Variants in IGFBPL1 observed in about 807,000 individuals in gnomAD.
IGFBPL1 encodes insulin-like growth factor-binding protein-like 1.
IGFBPL1 carries 20 observed loss-of-function variants against 23.9 expected under a neutral mutation model. The observed-to-expected ratio is 0.84, with a 90% CI of 0.59 to 1.22. The LOEUF (loss-of-function observed/expected upper bound fraction) is 1.22, where lower values mean the gene tolerates loss of function less well. Among genes scored for constraint, IGFBPL1 ranks in the 50% most tolerant of loss-of-function variants. The probability of loss-of-function intolerance (pLI) is 0.00; values close to 1 mark genes in which losing one functional copy is unlikely to be tolerated. For synonymous variants in IGFBPL1, 184 were observed against 171.8 expected (o/e 1.07, Z -0.56); for missense variants, 436 against 379.3 (o/e 1.15, Z -1.24).
intron 1 of IGFBPL1, among the ~76,000 whole-genome samples, chr9:38,418,256 G>A (rs1821628168): frequency 6.6e-6 from 1 of 152,196 alleles, no homozygotes; most frequent in Non-Finnish European, 1.5e-5. Flanking sequence ...GTGGCAGGCA[G>A]GGGTGGAAGA....
chr9:38,413,860 G>A (rs1025702136), intron 2 of IGFBPL1, among the ~76,000 whole-genome samples: 2 of 152,280 alleles, frequency 1.3e-5, no homozygotes, highest in African/African-American at 2.4e-5. Flanking sequence ...GGCACAGGAA[G>A]GGTTGCAATG....
At chr9:38,423,151 G>T (rs548296420) in intron 1 of IGFBPL1, among the ~76,000 whole-genome samples, 10 of 152,096 alleles carry the variant, frequency 6.6e-5, no homozygotes, top group Non-Finnish European at 1.0e-4. Flanking sequence ...TAACGTTTTG[G>T]TTTCTTTTTG....
At chr9:38,420,277 T>G (rs967865592) in intron 1 of IGFBPL1, among the ~76,000 whole-genome samples, 1 of 152,164 alleles carries the variant, frequency 6.6e-6, no homozygotes, top group Non-Finnish European at 1.5e-5. Flanking sequence ...ATGGGCCCAC[T>G]TGCACACCCA....
At chr9:38,419,366 C>T (rs909910779) in intron 1 of IGFBPL1, among the ~76,000 whole-genome samples, 1 of 152,190 alleles carries the variant, frequency 6.6e-6, no homozygotes, top group Non-Finnish European at 1.5e-5. Context: ...CTCAGATCTC[C>T]TCCCTCAGCA....
chr9:38,419,609 C>T (rs1190893493), intron 1 of IGFBPL1, among the ~76,000 whole-genome samples: 1 of 152,136 alleles, frequency 6.6e-6, no homozygotes, highest in Non-Finnish European at 1.5e-5. Context: ...TCTAATTTAT[C>T]ATTTGAAACA....
chr9:38,419,626 TAA>T (rs1280898642), intron 1 of IGFBPL1, among the ~76,000 whole-genome samples: 2 of 152,056 alleles, frequency 1.3e-5, no homozygotes, highest in African/African-American at 4.8e-5. Flanking sequence ...AACATGACAT[TAA>T]CTTGCTGTCC....
chr9:38,424,380 CA>C lies in IGFBPL1; in HGVS notation c.44del (p.Leu15ArgfsTer164). ...GGGACAGCGGCGGCAGCAGCGGCAGCAGCAGCAGAAGCAGCAGCGGCAAGAG... is the reference window on the plus strand; with the variant it reads ...GGGACAGCGGCGGCAGCAGCGGCAGCGCAGCAGAAGCAGCAGCGGCAAGAG... ...SLLLPLLLLLLLPLLPPLSPS... is the reference protein window; with the variant it reads ...SLLLPLLLLLXLPLLPPLSPS... On this transcript the variant is annotated frameshift_variant, in exon 1 of 5. Coordinates refer to ENST00000377694, the MANE Select transcript of IGFBPL1 (RefSeq NM_001007563.3). LOFTEE classifies it high-confidence loss of function. 1.5e-6 allele frequency: 1 copy of C among 680,448 alleles called. No individual in the cohort carries two copies. The highest frequency in any genetic ancestry group is 2.5e-6 in the Non-Finnish European group (1 of 405,860). 42.2% of individuals were successfully genotyped at this position (680,448 alleles called of 1,614,324 possible).
At chr9:38,421,994 G>A (rs1276748920) in intron 1 of IGFBPL1, among the ~76,000 whole-genome samples, 4 of 152,316 alleles carry the variant, frequency 2.6e-5, no homozygotes, top group Non-Finnish European at 5.9e-5. Context: ...TGCCTGGGGT[G>A]GGCCTCAGAT....
chr9:38,414,031 T>A (rs1821555210), intron 2 of IGFBPL1, 63 bp downstream of exon 2: 7 of 762,490 alleles, frequency 9.2e-6, no homozygotes, highest in South Asian at 3.2e-5. Flanking sequence ...TCTCCCTCTT[T>A]CTCACACACA....
In IGFBPL1 at chr9:38,407,872, C is replaced by G. The variant is rs1821450539; in HGVS notation, c.*1355G>C. ...CTGTGCATAGTAAGGGCTCTCAATT[C>G]TTATTTTAAAATTGTAATCACCTAA... On this transcript the variant is annotated 3_prime_UTR_variant, in exon 5 of 5. Coordinates refer to ENST00000377694, the MANE Select transcript of IGFBPL1 (RefSeq NM_001007563.3). 6.6e-6 allele frequency among the ~76,000 whole-genome samples: 1 copy of G among 152,014 alleles called. No homozygotes were observed. Among genetic ancestry groups the G allele is most frequent in the South Asian group, 2.1e-4 (1 of 4,814 alleles).
chr9:38,413,140 G>T, intron 3 of IGFBPL1, 97 bp downstream of exon 3: 1 of 845,648 alleles, frequency 1.2e-6, no homozygotes, highest in Non-Finnish European at 1.9e-6. Flanking sequence ...AGTGAGAAAT[G>T]GGTAAGAACA....
chr9:38,413,621 C>T (rs1821548800), intron 2 of IGFBPL1, among the ~76,000 whole-genome samples: 1 of 152,180 alleles, frequency 6.6e-6, no homozygotes, highest in Non-Finnish European at 1.5e-5. Context: ...TGTCTCAGGG[C>T]TATTGACATT....
intron 1 of IGFBPL1, among the ~76,000 whole-genome samples, chr9:38,419,646 C>A (rs1236857559): frequency 6.6e-6 from 1 of 152,044 alleles, no homozygotes; most frequent in African/African-American, 2.4e-5. Context: ...TCCGTAGGAC[C>A]CCAACCCTCT....
At chr9:38,414,905 A>T (rs1821577338) in intron 1 of IGFBPL1, among the ~76,000 whole-genome samples, 1 of 152,112 alleles carries the variant, frequency 6.6e-6, no homozygotes, top group African/African-American at 2.4e-5. Context: ...TAGATGTTTC[A>T]AACTCCTACT....
intron 1 of IGFBPL1, among the ~76,000 whole-genome samples, chr9:38,415,493 G>GCC (rs1486977729): frequency 2.0e-5 from 3 of 152,094 alleles, no homozygotes; most frequent in Non-Finnish European, 2.9e-5. Flanking sequence ...GACTAGTTTG[G>GCC]CCCCTCCAGA....
intron 1 of IGFBPL1, among the ~76,000 whole-genome samples, chr9:38,414,633 G>A (rs964124156): frequency 6.6e-6 from 1 of 152,142 alleles, no homozygotes; most frequent in Non-Finnish European, 1.5e-5. Flanking sequence ...CTCCTTCCAC[G>A]TGGAGGGTGT....
intron 4 of IGFBPL1, among the ~76,000 whole-genome samples, chr9:38,410,888 C>T (rs1018545976): frequency 1.3e-5 from 2 of 152,160 alleles, no homozygotes; most frequent in African/African-American, 4.8e-5. Context: ...CTGCCCCTAC[C>T]CACAAGGAGA....
chr9:38,411,331 G>A, intron 4 of IGFBPL1, 60 bp downstream of exon 4: 2 of 1,428,662 alleles, frequency 1.4e-6, no homozygotes, highest in Non-Finnish European at 1.9e-6. Flanking sequence ...GGTCTTATAA[G>A]CCACCTCAAA....
chr9:38,413,307 C>A lies in IGFBPL1; in HGVS notation c.617G>T (p.Gly206Val), dbSNP rs1308693931. The A allele has an allele frequency of 1.2e-6, 2 of 1,613,934 alleles. No homozygotes were observed. Among genetic ancestry groups the A allele is most frequent in the African/African-American group, 2.7e-5 (2 of 74,932 alleles). ...TTGGACAGCTATATTGACATGGTCC[C>A]CAGGCAGCTCCTCCAGTGCTTGGGT... ...EGTQALEELP[G>V]DHVNIAVQVR... Residue 206 changes from glycine (G) to valine (V), a missense_variant, in exon 3 of 5, where the codon GGG (glycine) becomes GTG (valine). Physicochemically the swap from Gly to Val is moderately radical, Grantham distance 109. Transcript: ENST00000377694.
Sources: gnomAD v4.1 joint callset for allele counts (sites outside exome capture counted in the v4.1 genomes callset) on GRCh38, gnomAD v4.1.1 for gene constraint, MANE v1.5 for transcripts, NCBI Gene and HGNC (gene_info 2026-07-23, HGNC 2026-07-21) for gene names.